PTPRZ1: variants seen among roughly 807,000 people sequenced by gnomAD.
The protein encoded by PTPRZ1 is protein tyrosine phosphatase receptor type Z1.
PTPRZ1 carries 82 observed loss-of-function variants against 214.1 expected under a neutral mutation model. That is an observed-to-expected ratio of 0.38 (90% CI 0.32 to 0.46). PTPRZ1 has a LOEUF of 0.46. Ranked by LOEUF, PTPRZ1 falls within the 20% of genes least tolerant of loss-of-function variation. The pLI is 1.00. For synonymous variants in PTPRZ1, 945 were observed against 987.9 expected, an observed-to-expected ratio of 0.96 and a Z score of 0.81; for missense variants, 2,603 against 2,748.7, an observed-to-expected ratio of 0.95 and a Z score of 1.19.
chr7:121,992,727 G>A (rs1006961219), intron 8 of PTPRZ1, among the ~76,000 whole-genome samples: 6 of 128,656 alleles, frequency 4.7e-5, no homozygotes, highest in Non-Finnish European at 3.7e-5. Context: ...GCATCCTAAA[G>A]GCTGAGACAC....
intron 25 of PTPRZ1, among the ~76,000 whole-genome samples, chr7:122,052,389 G>A (rs1373724368): frequency 6.6e-6 from 1 of 152,136 alleles, no homozygotes; most frequent in African/African-American, 2.4e-5. Context: ...AAGATACAAT[G>A]CTTTTCTTCT....
chr7:121,984,953 A>C (rs1407621379), intron 8 of PTPRZ1, among the ~76,000 whole-genome samples: 2 of 152,148 alleles, frequency 1.3e-5, no homozygotes, highest in Non-Finnish European at 2.9e-5. Context: ...AACCTTTCCA[A>C]GTAGATGGAC....
intron 2 of PTPRZ1, among the ~76,000 whole-genome samples, chr7:121,948,107 TAAC>T: frequency 6.6e-6 from 1 of 152,186 alleles, no homozygotes; most frequent in Non-Finnish European, 1.5e-5. Context: ...ATAAGCACAA[TAAC>T]AACAACAAAT....
rs1799276196 is a variant in PTPRZ1 at position 122,028,583 on chromosome 7, G to A, written c.5020G>A (p.Glu1674Lys). The change falls in exon 14 of 30, where the codon GAG becomes AAG. Residue 1674 changes from glutamate (E) to lysine (K), a missense_variant. Glu to Lys is a moderately conservative substitution (Grantham distance 56). Around this residue, in one of 6 missense-constraint regions of PTPRZ1, gnomAD observed 1,913 missense variants for 1,914.3 expected, o/e 1.00. Coordinates refer to ENST00000393386, the MANE Select transcript of PTPRZ1 (RefSeq NM_002851.3). ...KCFQTAHFYL[E>K]DSTSPRVIST... Reference sequence around the variant, plus strand: ...CTTCCAGACTGCACACTTTTACTTAGAGGACAGTACATCCCCTAGAGTTAT... The same window carrying A: ...CTTCCAGACTGCACACTTTTACTTAAAGGACAGTACATCCCCTAGAGTTAT... 1.9e-6 allele frequency: 3 copies of A among 1,545,872 alleles called. No individual in the cohort carries two copies. In the East Asian group the frequency reaches 6.8e-5, roughly 35 times the overall value.
chr7:122,010,889 G>C lies in PTPRZ1; in HGVS notation c.1843G>C (p.Glu615Gln). ...QGYIFSSENP[E>Q]TITYDVLIPE... ...GTATATATTTTCCTCCGAAAACCCAGAGACAATAACATATGATGTCCTTAT... is the reference window on the plus strand; with the variant it reads ...GTATATATTTTCCTCCGAAAACCCACAGACAATAACATATGATGTCCTTAT... The change falls in exon 12 of 30, where the codon GAG becomes CAG. Residue 615 changes from glutamate (E) to glutamine (Q), a missense_variant. Glu to Gln is a conservative substitution (Grantham distance 29). Coordinates refer to ENST00000393386, the MANE Select transcript of PTPRZ1 (RefSeq NM_002851.3). 6.2e-7 allele frequency: 1 copy of C among 1,614,020 alleles called. No individual in the cohort carries two copies. Among genetic ancestry groups the C allele is most frequent in the Non-Finnish European group, 8.5e-7 (1 of 1,179,980 alleles).
intron 27 of PTPRZ1, 124 bp downstream of exon 27, chr7:122,055,211 A>C: frequency 1.4e-6 from 1 of 733,292 alleles, no homozygotes; most frequent in Non-Finnish European, 2.0e-6. Context: ...AGACAAATAC[A>C]CAAATAATCA....
chr7:121,878,678 T>G (rs1794138829), intron 1 of PTPRZ1, among the ~76,000 whole-genome samples: 1 of 152,224 alleles, frequency 6.6e-6, no homozygotes. Context: ...TGTATTGTTT[T>G]TCAATTTATC....
intron 2 of PTPRZ1, among the ~76,000 whole-genome samples, chr7:121,956,105 T>C (rs1046860154): frequency 1.3e-5 from 2 of 152,036 alleles, no homozygotes; most frequent in African/African-American, 4.8e-5. Flanking sequence ...TTTTTATACA[T>C]CCTACTCACA....
At chr7:122,058,978 C>A (rs531665204) in intron 28 of PTPRZ1, 36 bp downstream of exon 28, 1 of 1,518,740 alleles carries the variant, frequency 6.6e-7, no homozygotes, top group Admixed American at 1.8e-5. Context: ...CACACCTGCA[C>A]ATTTTCTGGG....
At chr7:122,050,040 A>G (rs1257601543) in intron 23 of PTPRZ1, among the ~76,000 whole-genome samples, 1 of 152,202 alleles carries the variant, frequency 6.6e-6, no homozygotes, top group African/African-American at 2.4e-5. Flanking sequence ...TGTCAAAAAA[A>G]GTAACATTGT....
intron 2 of PTPRZ1, among the ~76,000 whole-genome samples, chr7:121,946,793 T>C (rs1796390482): frequency 6.6e-6 from 1 of 152,110 alleles, no homozygotes; most frequent in Non-Finnish European, 1.5e-5. Flanking sequence ...CTGACTAAGA[T>C]ACAGTGAGAA....
chr7:121,988,267 C>CT (rs1033812583), intron 8 of PTPRZ1, among the ~76,000 whole-genome samples: 22 of 151,688 alleles, frequency 1.5e-4, no homozygotes, highest in Non-Finnish European at 2.7e-4. Context: ...TGATACAGAA[C>CT]TTTTTTTTTC....
chr7:121,964,766 T>C (rs1796993595), intron 2 of PTPRZ1, among the ~76,000 whole-genome samples: 1 of 152,136 alleles, frequency 6.6e-6, no homozygotes, highest in South Asian at 2.1e-4. Context: ...TAGATGCTTT[T>C]GAGGAGAGAT....
Position 122,011,869 on chromosome 7 carries a change from T to C in PTPRZ1, c.2823T>C (p.Thr941=). Reference sequence around the variant, plus strand: ...ATGAGGGCTCCCAACACATCTTCACTGTTTCTTACAGTTCTGCAATACCTG... The same window carrying C: ...ATGAGGGCTCCCAACACATCTTCACCGTTTCTTACAGTTCTGCAATACCTG... ...SDNEGSQHIF[T]VSYSSAIPVH... Residue 941 remains threonine (T), a synonymous_variant, in exon 12 of 30, where the codon ACT becomes ACC. Coordinates refer to ENST00000393386, the MANE Select transcript of PTPRZ1 (RefSeq NM_002851.3). 1 of 1,614,084 alleles carries C rather than the reference T, an allele frequency of 6.2e-7. No individual in the cohort carries two copies. The highest frequency in any genetic ancestry group is 8.5e-7 in the Non-Finnish European group (1 of 1,179,918).
chr7:121,912,883 C>A (rs1221529247), intron 1 of PTPRZ1, among the ~76,000 whole-genome samples: 2 of 152,018 alleles, frequency 1.3e-5, no homozygotes, highest in Non-Finnish European at 2.9e-5. Context: ...AGTCACTGAT[C>A]TGAAAAAGGT....
intron 13 of PTPRZ1, among the ~76,000 whole-genome samples, chr7:122,024,457 C>G (rs897044553): frequency 1.3e-5 from 2 of 152,036 alleles, no homozygotes; most frequent in African/African-American, 4.8e-5. Context: ...TTGAAGATGT[C>G]TACTAACCCA....
At chr7:121,929,838 ATAAAT>A in intron 2 of PTPRZ1, among the ~76,000 whole-genome samples, 1 of 150,936 alleles carries the variant, frequency 6.6e-6, no homozygotes, top group South Asian at 2.1e-4. Context: ...AAATAAATAA[ATAAAT>A]AAATAAATAA....
chr7:121,878,899 A>AC (rs397963171), intron 1 of PTPRZ1, among the ~76,000 whole-genome samples: 3 of 151,786 alleles, frequency 2.0e-5, no homozygotes, highest in African/African-American at 7.3e-5. Flanking sequence ...AGAAAAAAAA[A>AC]TAGTTGTTTG....
intron 10 of PTPRZ1, among the ~76,000 whole-genome samples, chr7:121,999,946 T>C (rs1042959166): frequency 1.1e-4 from 16 of 152,146 alleles, no homozygotes; most frequent in African/African-American, 1.7e-4. Context: ...TATTGAACGT[T>C]GTAATAATGA....
Sources: gnomAD v4.1 joint callset for allele counts (sites outside exome capture counted in the v4.1 genomes callset) on GRCh38, gnomAD v4.1.1 for gene constraint, gnomAD v4.1.1 regional missense constraint, MANE v1.5 for transcripts, NCBI Gene and HGNC (gene_info 2026-07-23, HGNC 2026-07-21) for gene names.